The following MAGEA8 variants were observed in gnomAD, a reference collection of about 807,000 sequenced individuals.
MAGEA8 encodes melanoma-associated antigen 8.
For missense variants in MAGEA8, 229 were observed against 251.1 expected (o/e 0.91, Z 0.59); for synonymous variants, 104 against 102.6 (o/e 1.01, Z -0.08).
chrX:149,881,655 C>CGGGCATGGCGGCT (rs2090730260), intron 1 of MAGEA8, among the ~76,000 whole-genome samples: 2 of 102,132 alleles, frequency 2.0e-5, no homozygotes, highest in Non-Finnish European at 4.1e-5. Context: ...GCATGGCGGC[C>CGGGCATGGCGGCT]GGGCATGGCG....
intron 1 of MAGEA8, among the ~76,000 whole-genome samples, chrX:149,881,785 G>A (rs1046434810): frequency 7.2e-5 from 8 of 110,669 alleles, no homozygotes; most frequent in African/African-American, 9.8e-5. Context: ...GAGGAGGCCC[G>A]AGGGGACCCA....
At position 149,885,058 on chromosome X, in the gene MAGEA8, C is replaced by T; in HGVS notation, c.786C>T (p.Arg262=). 8 of 1,210,781 alleles carry T rather than the reference C, an allele frequency of 6.6e-6. No individual in the cohort carries two copies. Among genetic ancestry groups the T allele is most frequent in the East Asian group, 3.0e-5 (1 of 33,836 alleles). Residue 262 remains arginine, a synonymous_variant, in exon 3 of 3, where the codon CGC becomes CGT. Coordinates refer to ENST00000286482, the MANE Select transcript of MAGEA8 (RefSeq NM_005364.5). ...TGCAGGAGAACTACCTGGAGTACCG[C>T]CAGGCGCCCGGCAGTGATCCTGTGC... ...EWVQENYLEY[R]QAPGSDPVRY...
At chrX:149,883,947 C>A (rs782550572) in intron 1 of MAGEA8, 126 bp from the exon 2 acceptor site, 190 of 231,351 alleles carry the variant, frequency 8.2e-4, no homozygotes, top group Middle Eastern at 6.8e-3. Flanking sequence ...ATACCAGAGG[C>A]CCCTCTGGCA....
intron 1 of MAGEA8, among the ~76,000 whole-genome samples, chrX:149,882,729 G>A (rs939981895): frequency 2.7e-5 from 3 of 110,977 alleles, no homozygotes; most frequent in Non-Finnish European, 5.7e-5. Context: ...GTGGTAAGGG[G>A]AGATGTCTGC....
rs1193673115 is a variant in MAGEA8, at chrX:149,884,210, G to A, written c.-63G>A. The A allele has an allele frequency of 1.7e-5, 16 of 914,872 alleles. No homozygotes were observed. The highest frequency in any genetic ancestry group is 1.6e-5 in the Non-Finnish European group (10 of 642,462). 75.4% of individuals were successfully genotyped at this position (914,872 alleles called of 1,213,427 possible). A position where few individuals can be genotyped will look rare whatever the true frequency, so the allele number is the denominator to read the frequency against. On this transcript the variant is annotated splice_region_variant and 5_prime_UTR_variant, in exon 3 of 3. Coordinates refer to ENST00000286482, the MANE Select transcript of MAGEA8 (RefSeq NM_005364.5). Reference sequence around the variant, plus strand: ...TCTCACACGCTTCCTCTCTCCCCAGGCCTGTGGGTCTCAATTGCCCAGCTC... The same window carrying A: ...TCTCACACGCTTCCTCTCTCCCCAGACCTGTGGGTCTCAATTGCCCAGCTC...
chrX:149,885,103 T>C lies in MAGEA8; in HGVS notation c.831T>C (p.Gly277=), dbSNP rs782641116. The stretch of plus-strand genomic sequence containing the variant: ...CTGTGCGCTACGAGTTCCTGTGGGG[T>C]CCAAGGGCCCTTGCTGAAACCAGCT... ...SDPVRYEFLW[G]PRALAETSYV... The change falls in exon 3 of 3, where the codon GGT becomes GGC. Residue 277 remains glycine, a synonymous_variant. Transcript: ENST00000286482. The C allele has an allele frequency of 8.3e-7, 1 of 1,211,509 alleles. No homozygotes were observed. The highest frequency in any genetic ancestry group is 3.0e-5 in the East Asian group (1 of 33,842).
rs1557370909 is a variant in MAGEA8, at chrX:149,884,501, A to G, written c.229A>G (p.Ser77Gly). The change falls in exon 3 of 3, where the codon AGC becomes GGC. Residue 77 changes from serine (S) to glycine (G), a missense_variant. Coordinates refer to ENST00000286482, the MANE Select transcript of MAGEA8 (RefSeq NM_005364.5). ...GASSSLTVTD[S>G]TLWSQSDEGS... ...CTCCTCTTCCCTGACTGTCACCGACAGCACTCTGTGGAGCCAATCCGATGA... is the reference window on the plus strand; with the variant it reads ...CTCCTCTTCCCTGACTGTCACCGACGGCACTCTGTGGAGCCAATCCGATGA... 1 of 1,211,770 alleles carries G rather than the reference A, an allele frequency of 8.3e-7. No individual in the cohort carries two copies. The highest frequency in any genetic ancestry group is 2.2e-5 in the Admixed American group (1 of 46,089).
chrX:149,882,150 G>A (rs1557370632), intron 1 of MAGEA8, among the ~76,000 whole-genome samples: 1 of 110,641 alleles, frequency 9.0e-6, no homozygotes, highest in Non-Finnish European at 1.9e-5. Context: ...CATGGCCTAG[G>A]AAACCTGCTC....
intron 1 of MAGEA8, among the ~76,000 whole-genome samples, chrX:149,881,869 G>GGGACT (rs1178639264): frequency 1.6e-4 from 18 of 109,890 alleles, no homozygotes; most frequent in African/African-American, 6.0e-4. Flanking sequence ...AGGAATCCGA[G>GGGACT]GGACTGAAAC....
In MAGEA8 at chrX:149,884,579, C is replaced by T; in HGVS notation, c.307C>T (p.His103Tyr). Residue 103 changes from histidine (H) to tyrosine (Y), a missense_variant, in exon 3 of 3, where the codon CAC (histidine) becomes TAC (tyrosine). Transcript: ENST00000286482. The stretch of plus-strand genomic sequence containing the variant: ...GCCAAGCACCTCCCCGGACCCAGCT[C>T]ACCTGGAGTCCCTGTTCCGGGAAGC... ...EGPSTSPDPA[H>Y]LESLFREALD... is the part of the protein sequence containing the mutation. 1 of 1,211,140 alleles carries T rather than the reference C, an allele frequency of 8.3e-7. No individual in the cohort carries two copies. Among genetic ancestry groups the T allele is most frequent in the African/African-American group, 1.7e-5 (1 of 57,912 alleles).
intron 1 of MAGEA8, among the ~76,000 whole-genome samples, chrX:149,881,634 ATGG>A (rs2090729676): frequency 9.5e-6 from 1 of 105,213 alleles, no homozygotes; most frequent in Non-Finnish European, 2.0e-5. Context: ...GCGGCCGGGC[ATGG>A]CGGCCGGGCA....
chrX:149,883,269 C>T (rs1434123532), intron 1 of MAGEA8: 2 of 108,942 alleles, frequency 1.8e-5, no homozygotes, highest in Non-Finnish European at 3.8e-5. Context: ...GAGTCAGGGA[C>T]TCAGAGGACA....
chrX:149,882,210 G>GC (rs1216605914), intron 1 of MAGEA8, among the ~76,000 whole-genome samples: 4 of 110,510 alleles, frequency 3.6e-5, no homozygotes, highest in Non-Finnish European at 5.7e-5. Context: ...AAGGGATGTG[G>GC]CCCCCCCACT....
In MAGEA8 at chrX:149,885,245, A is replaced by G. The variant is rs2090756425; in HGVS notation, c.*16A>G. Reference sequence around the variant, plus strand: ...AGGAGTTTGAGCAGGAGTTGCAGCTAGGGCCAGTGGGGCAGGTTGTGGGAG... The same window carrying G: ...AGGAGTTTGAGCAGGAGTTGCAGCTGGGGCCAGTGGGGCAGGTTGTGGGAG... On this transcript the variant is annotated 3_prime_UTR_variant, in exon 3 of 3. Coordinates refer to ENST00000286482, the MANE Select transcript of MAGEA8 (RefSeq NM_005364.5). The G allele has an allele frequency of 8.7e-7, 1 of 1,150,629 alleles. No homozygotes were observed. Among genetic ancestry groups the G allele is most frequent in the Non-Finnish European group, 1.2e-6 (1 of 854,156 alleles). The allele number at this position is 1,150,629 out of a possible 1,213,427, so 94.8% of individuals were successfully genotyped here.
rs782748317 is a variant in MAGEA8, at chrX:149,884,977, T to C, written c.705T>C (p.Asp235=). The change falls in exon 3 of 3, where the codon GAT becomes GAC. Residue 235 remains aspartate (D), a synonymous_variant. Transcript: ENST00000286482. ...WEALSVMGLY[D]GREHSVYWKL... ...CGTTGAGTGTGATGGGGCTGTATGA[T>C]GGGAGGGAGCACAGTGTCTATTGGA... The C allele has an allele frequency of 5.0e-6, 6 of 1,207,054 alleles. No individual in the cohort carries two copies. The highest frequency in any genetic ancestry group is 5.9e-5 in the East Asian group (2 of 33,712).
At position 149,885,057 on chromosome X, in the gene MAGEA8, G is replaced by A. The variant is rs2090754627; in HGVS notation, c.785G>A (p.Arg262His). Residue 262 changes from arginine (R) to histidine (H), a missense_variant, in exon 3 of 3, where the codon CGC becomes CAC. Transcript: ENST00000286482. ...GTGCAGGAGAACTACCTGGAGTACC[G>A]CCAGGCGCCCGGCAGTGATCCTGTG... is the stretch of plus-strand genomic sequence containing the variant. ...EWVQENYLEY[R>H]QAPGSDPVRY... 1 of 1,210,626 alleles carries A rather than the reference G, an allele frequency of 8.3e-7. No individual in the cohort carries two copies. The highest frequency in any genetic ancestry group is 2.3e-4 in the Middle Eastern group (1 of 4,342).
At chrX:149,881,787 G>A (rs2090732578) in intron 1 of MAGEA8, among the ~76,000 whole-genome samples, 1 of 110,692 alleles carries the variant, frequency 9.0e-6, no homozygotes, top group East Asian at 2.9e-4. Flanking sequence ...GGAGGCCCGA[G>A]GGGACCCAGG....
At chrX:149,881,621 ATGGCGGCCGGGCATGGCGGCCGG>A (rs2090729361) in intron 1 of MAGEA8, among the ~76,000 whole-genome samples, 4 of 104,852 alleles carry the variant, frequency 3.8e-5, no homozygotes, top group Non-Finnish European at 8.2e-5. Context: ...GCGGCCGGGC[ATGGCGGCCGGGCATGGCGGCCGG>A]GCATGGCGGC....
intron 1 of MAGEA8, among the ~76,000 whole-genome samples, chrX:149,881,657 G>A (rs1179549693): frequency 9.7e-6 from 1 of 103,561 alleles, no homozygotes; most frequent in Non-Finnish European, 2.0e-5. Context: ...ATGGCGGCCG[G>A]GCATGGCGGC....
Sources: allele counts gnomAD v4.1 joint callset (sites outside exome capture counted in the v4.1 genomes callset), GRCh38; gene constraint gnomAD v4.1.1; transcripts MANE v1.5; gene names NCBI Gene and HGNC (gene_info 2026-07-23, HGNC 2026-07-21).